KCNIP4: variants seen among roughly 807,000 people sequenced by gnomAD.
KCNIP4 encodes potassium voltage-gated channel interacting protein 4, also known as Kv channel-interacting protein 4.
In KCNIP4, 12 loss-of-function variants were observed where a neutral mutation model predicts 34.0. The observed-to-expected ratio is 0.35, with a 90% confidence interval of 0.23 to 0.57. The LOEUF is 0.57. KCNIP4 is among the 20% of genes least tolerant of loss of function. KCNIP4 has a pLI of 0.83. For missense variants in KCNIP4, 238 were observed against 311.7 expected (o/e 0.76, Z 1.78); for synonymous variants, 124 against 102.2 (o/e 1.21, Z -1.29).
chr4:21,087,146 A>ATGTGTGTGTGTGTGTGTGTG (rs34874556), intron 1 of KCNIP4, among the ~76,000 whole-genome samples: 3 of 110,934 alleles, frequency 2.7e-5, no homozygotes, highest in Admixed American at 1.9e-4. Flanking sequence ...CTGCTGGGTA[A>ATGTGTGTGTGTGTGTGTGTG]TGTGTGTGTG....
At chr4:21,186,054 T>C (rs925622455) in intron 1 of KCNIP4, among the ~76,000 whole-genome samples, 1 of 152,210 alleles carries the variant, frequency 6.6e-6, no homozygotes, top group Non-Finnish European at 1.5e-5. Flanking sequence ...ACCTACCTCT[T>C]ATTTCCAGGT....
At chr4:21,089,145 A>G (rs1240193168) in intron 1 of KCNIP4, among the ~76,000 whole-genome samples, 1 of 152,150 alleles carries the variant, frequency 6.6e-6, no homozygotes, top group African/African-American at 2.4e-5. Context: ...CCCTGCCCAA[A>G]TCTTGGATTG....
intron 5 of KCNIP4, among the ~76,000 whole-genome samples, chr4:20,736,733 C>A (rs1749720762): frequency 6.6e-6 from 1 of 152,088 alleles, no homozygotes; most frequent in Non-Finnish European, 1.5e-5. Flanking sequence ...TTATACAACC[C>A]TTCCACTTAA....
At chr4:20,809,112 C>T (rs771484074) in intron 3 of KCNIP4, among the ~76,000 whole-genome samples, 1 of 152,162 alleles carries the variant, frequency 6.6e-6, no homozygotes, top group South Asian at 2.1e-4. Context: ...GCACAGCTAT[C>T]GGAGACTTTC....
intron 1 of KCNIP4, among the ~76,000 whole-genome samples, chr4:21,590,137 G>C (rs1292713570): frequency 1.3e-5 from 2 of 151,976 alleles, no homozygotes; most frequent in Non-Finnish European, 2.9e-5. Flanking sequence ...GATTAACTGG[G>C]TTCTGTGAGC....
chr4:21,020,683 T>A (rs1043006840), intron 1 of KCNIP4, among the ~76,000 whole-genome samples: 6 of 152,190 alleles, frequency 3.9e-5, no homozygotes, highest in Non-Finnish European at 8.8e-5. Context: ...TTTTCAAACT[T>A]TCATTGCATT....
intron 1 of KCNIP4, among the ~76,000 whole-genome samples, chr4:21,115,908 A>T (rs916691562): frequency 2.0e-5 from 3 of 152,238 alleles, no homozygotes; most frequent in African/African-American, 4.8e-5. Context: ...TTTTTAGAAC[A>T]TCTATGTAAC....
chr4:21,437,531 A>G (rs1727052926), intron 1 of KCNIP4, among the ~76,000 whole-genome samples: 1 of 152,188 alleles, frequency 6.6e-6, no homozygotes, highest in African/African-American at 2.4e-5. Context: ...GGTTTCAGTG[A>G]ACGCTATTTT....
intron 3 of KCNIP4, among the ~76,000 whole-genome samples, chr4:20,840,816 T>C (rs901839404): frequency 2.6e-5 from 4 of 152,176 alleles, no homozygotes; most frequent in African/African-American, 9.6e-5. Context: ...ACGTGCTGGA[T>C]ACCAACACCC....
chr4:21,015,752 A>ATATAAATATATACAATATACATT (rs1739467302), intron 1 of KCNIP4, among the ~76,000 whole-genome samples: 1 of 136,314 alleles, frequency 7.3e-6, no homozygotes, highest in African/African-American at 2.7e-5. Flanking sequence ...ATAATATGAT[A>ATATAAATATATACAATATACATT]TATAAATATA....
In KCNIP4 at chr4:20,732,775, T is replaced by C. The variant is rs1391210642; in HGVS notation, c.548A>G (p.Asp183Gly). Residue 183 changes from aspartate to glycine, a missense_variant, in exon 7 of 9, where the codon GAT becomes GGT. Asp to Gly is a moderately conservative substitution (Grantham distance 94). Coordinates refer to ENST00000382152, the MANE Select transcript of KCNIP4 (RefSeq NM_025221.6). ...CATATCGTATATTGCTTTCATTATATCAAGCATTTCCTGAAAAATAAAAGG... is the reference window on the plus strand; with the variant it reads ...CATATCGTATATTGCTTTCATTATACCAAGCATTTCCTGAAAAATAAAAGG... ...DGYITKEEML[D>G]IMKAIYDMMG... is the part of the protein sequence containing the mutation. 2 of 1,601,174 alleles carry C rather than the reference T, an allele frequency of 1.2e-6. No homozygotes were observed. The highest frequency in any genetic ancestry group is 1.7e-6 in the Non-Finnish European group (2 of 1,168,814).
chr4:21,538,725 G>A (rs1386461570), intron 1 of KCNIP4, among the ~76,000 whole-genome samples: 4 of 152,148 alleles, frequency 2.6e-5, no homozygotes, highest in African/African-American at 4.8e-5. Context: ...ATTAAGACTT[G>A]TGTTTCGGCA....
chr4:20,732,835 C>T lies in KCNIP4; in HGVS notation c.538-50G>A, dbSNP rs374807850. ...GAGGCTGCACACATGTATGAAGAAA[C>T]CAGTCTAAGAAGCTCTGACAGATTT... On this transcript the variant is annotated intron_variant, in intron 6 of 8. Coordinates refer to ENST00000382152, the MANE Select transcript of KCNIP4 (RefSeq NM_025221.6). 3.2e-5 allele frequency: 36 copies of T among 1,126,856 alleles called. No individual in the cohort carries two copies. In the African/African-American group the frequency reaches 5.3e-4, roughly 17 times the overall value. The allele number at this position is 1,126,856 out of a possible 1,614,324, so 69.8% of individuals were successfully genotyped here.
chr4:21,762,845 G>A (rs1718151785), intron 1 of KCNIP4: 2 of 886,374 alleles, frequency 2.3e-6, no homozygotes, highest in South Asian at 3.1e-5. Context: ...GTATATATAA[G>A]TGTGAGAAAG....
intron 5 of KCNIP4, among the ~76,000 whole-genome samples, chr4:20,738,129 C>CAA (rs200429048): frequency 4.1e-4 from 47 of 115,580 alleles, no homozygotes; most frequent in East Asian, 2.0e-3. Flanking sequence ...GACTCTGTCT[C>CAA]AAAAAAAAAA....
intron 1 of KCNIP4, among the ~76,000 whole-genome samples, chr4:21,589,233 CAGATACAT>C (rs572276066): frequency 0.01 from 892 of 86,024 alleles, 26 homozygotes; most frequent in African/African-American, 0.02. Flanking sequence ...TGTATCTATA[CAGATACAT>C]ATATACATAT....
chr4:21,831,576 C>T (rs1254561131), intron 1 of KCNIP4, among the ~76,000 whole-genome samples: 1 of 144,074 alleles, frequency 6.9e-6, no homozygotes, highest in African/African-American at 2.6e-5. Flanking sequence ...TAGCAGCATA[C>T]ATGTCCCAAG....
At chr4:21,356,441 T>C (rs1048738742) in intron 1 of KCNIP4, among the ~76,000 whole-genome samples, 1 of 152,156 alleles carries the variant, frequency 6.6e-6, no homozygotes, top group Non-Finnish European at 1.5e-5. Flanking sequence ...CAAAATCTCC[T>C]TAAGCTGATA....
At chr4:21,713,666 T>A (rs1280450577) in intron 1 of KCNIP4, among the ~76,000 whole-genome samples, 1 of 152,180 alleles carries the variant, frequency 6.6e-6, no homozygotes, top group Non-Finnish European at 1.5e-5. Context: ...TTCACTACAG[T>A]CACCTTACTC....
Sources: gnomAD v4.1 joint callset for allele counts (sites outside exome capture counted in the v4.1 genomes callset) on GRCh38, gnomAD v4.1.1 for gene constraint, MANE v1.5 for transcripts, NCBI Gene and HGNC (gene_info 2026-07-23, HGNC 2026-07-21) for gene names.